Variants in ARPP21 observed in about 807,000 individuals in gnomAD.
ARPP21 encodes the protein cAMP-regulated phosphoprotein 21.
Under a neutral mutation model 113.2 loss-of-function variants are expected in ARPP21, and 69 were observed. The ratio of observed to expected loss-of-function variants is 0.61; its 90% CI spans 0.50 to 0.74. ARPP21 has a LOEUF of 0.74. ARPP21 is among the 30% of genes least tolerant of loss of function. The probability of loss-of-function intolerance (pLI) is 0.00; values close to 1 mark genes in which losing one functional copy is unlikely to be tolerated. For synonymous variants in ARPP21, 368 were observed against 375.5 expected, an observed-to-expected ratio of 0.98 and a Z score of 0.23; for missense variants, 1,070 against 1,037.4, an observed-to-expected ratio of 1.03 and a Z score of -0.43.
intron 19 of ARPP21, among the ~76,000 whole-genome samples, chr3:35,772,614 A>T (rs535815791): frequency 3.3e-5 from 5 of 152,176 alleles, no homozygotes; most frequent in Non-Finnish European, 5.9e-5. Flanking sequence ...AAAATCTCAC[A>T]TTCTCTACCA....
At chr3:35,748,419 AAAAGAGAAAG>A (rs756912123) in intron 19 of ARPP21, among the ~76,000 whole-genome samples, 59 of 151,066 alleles carry the variant, frequency 3.9e-4, no homozygotes, top group Admixed American at 8.5e-4. Context: ...AGAGAGAAAG[AAAAGAGAAAG>A]AAAGAGAAAG....
chr3:35,794,346 G>A lies in ARPP21; in HGVS notation c.*388G>A, dbSNP rs1228917076. On this transcript the variant is annotated 3_prime_UTR_variant, in exon 21 of 21. Coordinates refer to ENST00000684406, the MANE Select transcript of ARPP21 (RefSeq NM_001385562.1). ...ATTGTACCAAAGCTGTAATGGAAAAGCAAAGAAGAATTGATGAATTGAAGG... is the reference window on the plus strand; with the variant it reads ...ATTGTACCAAAGCTGTAATGGAAAAACAAAGAAGAATTGATGAATTGAAGG... 2 of 197,118 alleles carry A rather than the reference G, an allele frequency of 1.0e-5. No homozygotes were observed. The highest frequency in any genetic ancestry group is 2.1e-5 in the Non-Finnish European group (2 of 94,940). 12.2% of individuals were successfully genotyped at this position (197,118 alleles called of 1,614,324 possible). A position where few individuals can be genotyped will look rare whatever the true frequency, so the allele number is the denominator to read the frequency against.
chr3:35,746,528 A>G (rs915479331), intron 19 of ARPP21, among the ~76,000 whole-genome samples: 1 of 152,206 alleles, frequency 6.6e-6, no homozygotes, highest in Non-Finnish European at 1.5e-5. Context: ...ATGGGCTACT[A>G]TCAGCATGTC....
intron 3 of ARPP21, among the ~76,000 whole-genome samples, 192 bp downstream of exon 3, chr3:35,682,072 T>TG (rs2079070321): frequency 1.3e-5 from 2 of 152,016 alleles, no homozygotes; most frequent in Middle Eastern, 3.4e-3. Flanking sequence ...ATGTGTTTTG[T>TG]GGGGAAAAAA....
chr3:35,767,761 A>G lies in ARPP21; in HGVS notation c.2137+23796A>G, dbSNP rs542096468. On this transcript the variant is annotated intron_variant, in intron 19 of 20. Coordinates refer to ENST00000684406, the MANE Select transcript of ARPP21 (RefSeq NM_001385562.1). ...TTATTTTTATATTACACTCCTTGAT[A>G]GCCATTACTAAGAACTTCATAAACC... 2.6e-5 allele frequency among the ~76,000 whole-genome samples: 4 copies of G among 152,190 alleles called. No individual in the cohort carries two copies. The East Asian group carries it at 5.8e-4, about 22-fold the overall frequency.
rs1025927821 is a variant in ARPP21 at position 35,738,248 on chromosome 3, T to C, written c.1679T>C (p.Val560Ala). 2.0e-6 allele frequency: 3 copies of C among 1,536,394 alleles called. No individual in the cohort carries two copies. Among genetic ancestry groups the C allele is most frequent in the African/African-American group, 1.4e-5 (1 of 73,160 alleles). Reference protein sequence around the residue: ...VQGLQASSQSVQYPAVSFPPQ... With the variant: ...VQGLQASSQSAQYPAVSFPPQ... ...GGGCTGCAGGCTTCCTCCCAGTCAGTGCAATATCCAGCAGTCTCTTTTCCT... is the reference window on the plus strand; with the variant it reads ...GGGCTGCAGGCTTCCTCCCAGTCAGCGCAATATCCAGCAGTCTCTTTTCCT... Residue 560 changes from valine to alanine, a missense_variant, in exon 17 of 21, where the codon GTG becomes GCG. Val to Ala is a moderately conservative substitution (Grantham distance 64). Coordinates refer to ENST00000684406, the MANE Select transcript of ARPP21 (RefSeq NM_001385562.1).
chr3:35,784,242 C>A (rs1197026204), intron 19 of ARPP21, among the ~76,000 whole-genome samples: 1 of 152,194 alleles, frequency 6.6e-6, no homozygotes, highest in African/African-American at 2.4e-5. Context: ...AATATGATTG[C>A]TTGACATTGA....
At chr3:35,691,921 T>G (rs900058557) in intron 9 of ARPP21, among the ~76,000 whole-genome samples, 1 of 151,556 alleles carries the variant, frequency 6.6e-6, no homozygotes. Flanking sequence ...AAGCAGAGTA[T>G]CATGGTTAAA....
At chr3:35,740,702 CT>C (rs576111266) in intron 18 of ARPP21, among the ~76,000 whole-genome samples, 20 of 152,208 alleles carry the variant, frequency 1.3e-4, no homozygotes, top group African/African-American at 4.8e-4. Context: ...TAATTTAGCT[CT>C]TTTGGCCTAA....
rs1294737928 is a variant in ARPP21 at position 35,690,092 on chromosome 3, T to C, written c.497T>C (p.Ile166Thr). ...TLKNNSRDRM[I>T]LLKMEQEIID... ...CATTTATTTTGCAGGGACAGGATGA[T>C]ACTTTTGAAAATGGAGCAGGAAATT... Residue 166 changes from isoleucine to threonine, a missense_variant, in exon 8 of 21, where the codon ATA (isoleucine) becomes ACA (threonine). Ile to Thr is a moderately conservative substitution (Grantham distance 89, BLOSUM62 -1). Transcript: ENST00000684406. The C allele has an allele frequency of 1.4e-6, 2 of 1,430,752 alleles. No homozygotes were observed. The highest frequency in any genetic ancestry group is 2.8e-5 in the African/African-American group (2 of 71,312). 88.6% of individuals were successfully genotyped at this position (1,430,752 alleles called of 1,614,324 possible).
chr3:35,770,900 T>C (rs2096176907), intron 19 of ARPP21, among the ~76,000 whole-genome samples: 1 of 152,186 alleles, frequency 6.6e-6, no homozygotes, highest in Admixed American at 6.5e-5. Context: ...AATGAATTAC[T>C]AGTCAATAAG....
intron 11 of ARPP21, among the ~76,000 whole-genome samples, chr3:35,714,556 G>C (rs957396165): frequency 1.3e-5 from 2 of 152,068 alleles, no homozygotes; most frequent in Non-Finnish European, 2.9e-5. Context: ...TTTATGTTTA[G>C]AAACTTAAGT....
intron 12 of ARPP21, 100 bp downstream of exon 12, chr3:35,715,576 AATATATGTATT>A: frequency 1.1e-6 from 1 of 926,906 alleles, no homozygotes; most frequent in African/African-American, 1.6e-5. Flanking sequence ...TGTGTGCTTG[AATATATGTATT>A]AGCAGATACA....
At chr3:35,680,083 C>T (rs1361896066) in intron 2 of ARPP21, 123 bp downstream of exon 2, 1 of 152,254 alleles carries the variant, frequency 6.6e-6, no homozygotes, top group Non-Finnish European at 1.5e-5. Flanking sequence ...ATCAGAGACT[C>T]ATTTGGCTTG....
chr3:35,787,288 C>T (rs938464484), intron 19 of ARPP21, among the ~76,000 whole-genome samples: 1 of 152,154 alleles, frequency 6.6e-6, no homozygotes, highest in African/African-American at 2.4e-5. Context: ...CAGCCAGTAG[C>T]CTGGAACAGT....
intron 10 of ARPP21, 22 bp from the exon 11 acceptor site, chr3:35,708,947 C>T (rs750840767): frequency 6.4e-7 from 1 of 1,571,376 alleles, no homozygotes; most frequent in Non-Finnish European, 8.7e-7. Flanking sequence ...GATAACCCTC[C>T]TGATTTCTTT....
At chr3:35,763,588 C>T (rs2095854665) in intron 19 of ARPP21, among the ~76,000 whole-genome samples, 1 of 152,024 alleles carries the variant, frequency 6.6e-6, no homozygotes, top group Non-Finnish European at 1.5e-5. Context: ...CTTGGACGGT[C>T]ACTAGAATGG....
intron 18 of ARPP21, among the ~76,000 whole-genome samples, chr3:35,741,376 C>T (rs1012305922): frequency 2.0e-5 from 3 of 152,170 alleles, no homozygotes; most frequent in Non-Finnish European, 4.4e-5. Context: ...GGCTATAACC[C>T]ATAGTAACTT....
In ARPP21 at chr3:35,743,845, G is replaced by A. The variant is rs1351294738; in HGVS notation, c.2017G>A (p.Val673Ile). 6.2e-7 allele frequency: 1 copy of A among 1,613,730 alleles called. No individual in the cohort carries two copies. Among genetic ancestry groups the A allele is most frequent in the East Asian group, 2.2e-5 (1 of 44,888 alleles). The stretch of plus-strand genomic sequence containing the variant: ...TTCCTCCTTTCTTCCACAGATGCCT[G>A]TATATTATTACCCATCTGGTCAGTA... ...VQQPPPAQMP[V>I]YYYPSGQYPT... The change falls in exon 19 of 21, where the codon GTA (valine) becomes ATA (isoleucine). Residue 673 changes from valine to isoleucine, a missense_variant. Transcript: ENST00000684406.
Sources: gnomAD v4.1 joint callset for allele counts (sites outside exome capture counted in the v4.1 genomes callset) on GRCh38, gnomAD v4.1.1 for gene constraint, MANE v1.5 for transcripts, NCBI Gene and HGNC (gene_info 2026-07-23, HGNC 2026-07-21) for gene names.